Variants in DMXL1 observed in about 807,000 individuals in gnomAD.
DMXL1 encodes dmX-like protein 1.
In DMXL1, 99 loss-of-function variants were observed where a neutral mutation model predicts 319.2. The observed-to-expected ratio is 0.31, with a 90% confidence interval of 0.26 to 0.37. DMXL1 has a LOEUF of 0.37. Ranked by LOEUF, DMXL1 falls within the 10% of genes least tolerant of loss-of-function variation. The pLI is 1.00. For synonymous variants in DMXL1, 1,385 were observed against 1,235.2 expected (o/e 1.12, Z -2.54); for missense variants, 3,745 against 3,595.6 (o/e 1.04, Z -1.06).
At chr5:119,122,173 G>A (rs1375416608) in intron 9 of DMXL1, among the ~76,000 whole-genome samples, 2 of 127,688 alleles carry the variant, frequency 1.6e-5, no homozygotes, top group African/African-American at 5.7e-5. Context: ...GGGGCGGCTG[G>A]CCGGGCAGAG....
intron 1 of DMXL1, among the ~76,000 whole-genome samples, chr5:119,076,723 G>A (rs558969899): frequency 4.1e-4 from 62 of 152,238 alleles, no homozygotes; most frequent in Admixed American, 7.9e-4. Flanking sequence ...CTTTGGGGGT[G>A]TTTACCTGGT....
At chr5:119,084,693 C>G (rs1427789984) in intron 1 of DMXL1, among the ~76,000 whole-genome samples, 3 of 151,536 alleles carry the variant, frequency 2.0e-5, no homozygotes, top group Non-Finnish European at 2.9e-5. Context: ...TGGAAAAACC[C>G]CATCTCTACT....
intron 20 of DMXL1, among the ~76,000 whole-genome samples, chr5:119,164,889 TTAG>T (rs1773080834): frequency 6.6e-6 from 1 of 152,166 alleles, no homozygotes. Flanking sequence ...GACAAACTTG[TTAG>T]TAGTATATGT....
rs183162807 is a variant in DMXL1 at position 119,071,167 on chromosome 5, G to A, written c.-403G>A. 2 of 230,032 alleles carry A rather than the reference G, an allele frequency of 8.7e-6. No homozygotes were observed. The highest frequency in any genetic ancestry group is 4.8e-5 in the African/African-American group (2 of 42,000). The allele number at this position is 230,032 out of a possible 1,614,324, so 14.2% of individuals were successfully genotyped here. ...AAGGGACAGGTCAGGCGGGGAGTGC[G>A]AGCGCGTACTGCTTGCGCCACTCGG... On this transcript the variant is annotated 5_prime_UTR_variant, in exon 1 of 44. Coordinates refer to ENST00000539542, the MANE Select transcript of DMXL1 (RefSeq NM_001290321.3).
At chr5:119,131,865 A>G (rs139317711) in intron 10 of DMXL1, among the ~76,000 whole-genome samples, 118 of 152,298 alleles carry the variant, frequency 7.7e-4, no homozygotes, top group African/African-American at 2.7e-3. Context: ...TTCATCTTGA[A>G]TCCATTTATA....
In DMXL1 at chr5:119,152,049, G is replaced by A; in HGVS notation, c.4702+13G>A. Reference sequence around the variant, plus strand: ...CTCCTTCACCAAGGTGATTTTGATAGTAATCTATTAAAGGGAAATAAAGCG... The same window carrying A: ...CTCCTTCACCAAGGTGATTTTGATAATAATCTATTAAAGGGAAATAAAGCG... On this transcript the variant is annotated intron_variant, in intron 19 of 43. Coordinates refer to ENST00000539542, the MANE Select transcript of DMXL1 (RefSeq NM_001290321.3). 5.1e-6 allele frequency: 8 copies of A among 1,568,718 alleles called. No homozygotes were observed. The highest frequency in any genetic ancestry group is 7.0e-6 in the Non-Finnish European group (8 of 1,140,624).
chr5:119,215,616 G>C (rs1419544757), intron 34 of DMXL1, among the ~76,000 whole-genome samples: 1 of 152,072 alleles, frequency 6.6e-6, no homozygotes, highest in Admixed American at 6.6e-5. Flanking sequence ...ATAGGCGTGA[G>C]CCACCACACC....
chr5:119,180,439 C>T (rs1333271606), intron 28 of DMXL1, among the ~76,000 whole-genome samples: 1 of 152,080 alleles, frequency 6.6e-6, no homozygotes, highest in Non-Finnish European at 1.5e-5. Flanking sequence ...CATCCACCTA[C>T]CACACTTTGC....
chr5:119,228,568 T>C (rs1253434588), intron 38 of DMXL1, among the ~76,000 whole-genome samples: 1 of 152,212 alleles, frequency 6.6e-6, no homozygotes, highest in Non-Finnish European at 1.5e-5. Flanking sequence ...GTATCACCGT[T>C]ATTTGACAAT....
intron 39 of DMXL1, 41 bp downstream of exon 39, chr5:119,233,508 T>G: frequency 6.4e-7 from 1 of 1,569,274 alleles, no homozygotes; most frequent in Non-Finnish European, 8.7e-7. Context: ...TTTATTGTGT[T>G]GGAGGTTTAT....
chr5:119,119,425 T>G (rs1366053816), intron 8 of DMXL1, among the ~76,000 whole-genome samples: 1 of 152,208 alleles, frequency 6.6e-6, no homozygotes, highest in Admixed American at 6.5e-5. Context: ...ATATTGAAAG[T>G]AAAAGTCAAT....
rs61279074 is a variant in DMXL1, at chr5:119,148,079, T to A, written c.2911+609T>A. Among the ~76,000 whole-genome samples the A allele has an allele frequency of 1.5e-3, 222 of 152,104 alleles. 1 individual carries two copies. The highest frequency in any genetic ancestry group is 6.8e-3 in the South Asian group (33 of 4,826). ...AAGAATACTAATCAAAAATACAAAT[T>A]AAGGCTTATGTTTTAGGAAACTAAT... On this transcript the variant is annotated intron_variant, in intron 17 of 43. Transcript: ENST00000539542.
chr5:119,217,252 TTA>T (rs1286433555), intron 35 of DMXL1, among the ~76,000 whole-genome samples: 1 of 152,192 alleles, frequency 6.6e-6, no homozygotes, highest in African/African-American at 2.4e-5. Flanking sequence ...GCTTTAGAAT[TTA>T]TACAATGTAC....
intron 19 of DMXL1, among the ~76,000 whole-genome samples, chr5:119,157,306 A>G (rs1229473318): frequency 2.0e-5 from 3 of 152,140 alleles, no homozygotes; most frequent in Non-Finnish European, 2.9e-5. Flanking sequence ...ATTCTTTGCT[A>G]TGCAGACATT....
At chr5:119,240,315 A>G (rs2150735602) in intron 41 of DMXL1, 104 bp from the exon 42 acceptor site, 1 of 676,276 alleles carries the variant, frequency 1.5e-6, no homozygotes, top group East Asian at 2.7e-5. Flanking sequence ...AAATTTAAGA[A>G]CCTTCTGTGA....
intron 9 of DMXL1, among the ~76,000 whole-genome samples, chr5:119,123,436 AGAGGGAGAG>A (rs1336745100): frequency 5.4e-5 from 6 of 112,090 alleles, no homozygotes; most frequent in Admixed American, 8.9e-5. Context: ...GAGAGGAGGG[AGAGGGAGAG>A]GAGGGAGAGG....
intron 3 of DMXL1, chr5:119,104,061 A>G (rs1250372528): frequency 6.6e-6 from 1 of 152,234 alleles, no homozygotes; most frequent in East Asian, 1.9e-4. Flanking sequence ...TGATTCTAAA[A>G]TATAGTTTCA....
chr5:119,084,779 G>C (rs1361412274), intron 1 of DMXL1, among the ~76,000 whole-genome samples: 4 of 151,282 alleles, frequency 2.6e-5, no homozygotes, highest in Admixed American at 6.6e-5. Context: ...CAGGAGAATT[G>C]CTTGAACCTG....
At chr5:119,093,820 A>G (rs974597685) in intron 1 of DMXL1, among the ~76,000 whole-genome samples, 5 of 152,210 alleles carry the variant, frequency 3.3e-5, no homozygotes, top group African/African-American at 1.2e-4. Flanking sequence ...GCTTATATGG[A>G]GAAGGTTTGA....
Sources: allele counts gnomAD v4.1 joint callset (sites outside exome capture counted in the v4.1 genomes callset), GRCh38; gene constraint gnomAD v4.1.1; transcripts MANE v1.5; gene names NCBI Gene and HGNC (gene_info 2026-07-23, HGNC 2026-07-21).